Variants in FRMD4A observed in about 807,000 individuals in gnomAD.
The protein encoded by FRMD4A is FERM domain-containing protein 4A.
In FRMD4A, 29 loss-of-function variants were observed where a neutral mutation model predicts 129.1. The observed-to-expected ratio is 0.22, with a 90% confidence interval of 0.17 to 0.31. The LOEUF is 0.31. Among genes scored for constraint, FRMD4A ranks in the 10% least tolerant of loss-of-function variants. FRMD4A has a pLI of 1.00. For synonymous variants in FRMD4A, 634 were observed against 571.6 expected (o/e 1.11, Z -1.56); for missense variants, 1,272 against 1,375.8 (o/e 0.92, Z 1.19).
chr10:14,305,365 C>T (rs757764869), intron 2 of FRMD4A, among the ~76,000 whole-genome samples: 1 of 151,824 alleles, frequency 6.6e-6, no homozygotes, highest in African/African-American at 2.4e-5. Context: ...AATTGCTGAA[C>T]AAAAAAATGA....
intron 2 of FRMD4A, among the ~76,000 whole-genome samples, chr10:14,211,941 C>T (rs967869538): frequency 6.6e-5 from 10 of 152,190 alleles, no homozygotes; most frequent in African/African-American, 2.4e-4. Context: ...GGGGAAGTGG[C>T]TGCCTGGTGT....
chr10:13,747,381 A>G (rs1259153658), intron 9 of FRMD4A, among the ~76,000 whole-genome samples: 1 of 151,718 alleles, frequency 6.6e-6, no homozygotes, highest in African/African-American at 2.4e-5. Flanking sequence ...TACTAAAAAT[A>G]CAAAAATTAG....
intron 24 of FRMD4A, chr10:13,649,255 A>G (rs2081351785): frequency 6.6e-6 from 1 of 152,252 alleles, no homozygotes; most frequent in Admixed American, 6.5e-5. Flanking sequence ...TAAAGGCTCA[A>G]GAAAGACCAT....
intron 14 of FRMD4A, among the ~76,000 whole-genome samples, chr10:13,695,432 C>T (rs751785696): frequency 6.6e-5 from 10 of 152,270 alleles, no homozygotes; most frequent in Non-Finnish European, 1.3e-4. Context: ...TGAGCCACCG[C>T]GCCTGGCTAA....
At chr10:14,002,984 G>T (rs1326176277) in intron 2 of FRMD4A, among the ~76,000 whole-genome samples, 1 of 152,174 alleles carries the variant, frequency 6.6e-6, no homozygotes, top group Non-Finnish European at 1.5e-5. Flanking sequence ...TGAGGCTGGA[G>T]GGCTGTGATT....
Position 13,740,910 on chromosome 10 carries a change from T to G in FRMD4A, c.549-333A>C, listed in dbSNP as rs548894675. Among the ~76,000 whole-genome samples, 5 of 136,488 alleles carry G rather than the reference T, an allele frequency of 3.7e-5. No individual in the cohort carries two copies. In the Middle Eastern group the frequency reaches 0.013, roughly 347 times the overall value. The allele number at this position is 136,488 out of a possible 152,430, so 89.5% of individuals were successfully genotyped here. ...GGTGCGATCTTGGTTCACTGCAACCTCCACCTCCCGAGTTCAAGCAATTCT... is the reference window on the plus strand; with the variant it reads ...GGTGCGATCTTGGTTCACTGCAACCGCCACCTCCCGAGTTCAAGCAATTCT... On this transcript the variant is annotated intron_variant, in intron 9 of 24. Coordinates refer to ENST00000357447, the MANE Select transcript of FRMD4A (RefSeq NM_018027.5).
intron 2 of FRMD4A, among the ~76,000 whole-genome samples, chr10:13,996,534 T>C (rs2095623101): frequency 6.6e-6 from 1 of 152,216 alleles, no homozygotes; most frequent in Non-Finnish European, 1.5e-5. Context: ...CTTAAACTTC[T>C]CTTTCAGTGG....
At chr10:13,896,569 T>C (rs966412011) in intron 2 of FRMD4A, among the ~76,000 whole-genome samples, 1 of 151,932 alleles carries the variant, frequency 6.6e-6, no homozygotes, top group Non-Finnish European at 1.5e-5. Flanking sequence ...ACCTAATGCA[T>C]GTGGGGCTTA....
intron 13 of FRMD4A, among the ~76,000 whole-genome samples, chr10:13,705,762 C>T (rs533971247): frequency 2.6e-5 from 4 of 152,236 alleles, no homozygotes; most frequent in Middle Eastern, 3.4e-3. Context: ...TGAGAAACAC[C>T]GGATAAAATA....
At chr10:13,669,378 T>TA (rs2083331321) in intron 17 of FRMD4A, among the ~76,000 whole-genome samples, 1 of 152,188 alleles carries the variant, frequency 6.6e-6, no homozygotes, top group African/African-American at 2.4e-5. Flanking sequence ...CCACATGAGC[T>TA]TTAGTTTTAA....
At position 14,104,762 on chromosome 10, in the gene FRMD4A, C is replaced by T. The variant is rs555938307; in HGVS notation, c.45+225296G>A. ...TGTGGGCCCATGAAGCTGGCGATTT[C>T]GTGTGGTTCAACTTAGTCCTAGAGC... On this transcript the variant is annotated intron_variant, in intron 2 of 24. Coordinates refer to ENST00000357447, the MANE Select transcript of FRMD4A (RefSeq NM_018027.5). Among the ~76,000 whole-genome samples, 10 of 152,336 alleles carry T rather than the reference C, an allele frequency of 6.6e-5. No individual in the cohort carries two copies. In the South Asian group the frequency reaches 8.3e-4, roughly 13 times the overall value.
intron 8 of FRMD4A, among the ~76,000 whole-genome samples, chr10:13,758,603 C>G (rs2091950506): frequency 6.6e-6 from 1 of 152,170 alleles, no homozygotes; most frequent in Admixed American, 6.5e-5. Context: ...GTGGAGCCAC[C>G]AAGAATTCAT....
intron 6 of FRMD4A, among the ~76,000 whole-genome samples, chr10:13,767,818 T>C (rs1347465980): frequency 6.6e-6 from 1 of 152,002 alleles, no homozygotes; most frequent in Non-Finnish European, 1.5e-5. Context: ...CTTGCGGCCA[T>C]TGGAGGGAGG....
intron 2 of FRMD4A, among the ~76,000 whole-genome samples, chr10:14,294,024 C>G (rs1233212864): frequency 3.3e-5 from 5 of 152,110 alleles, no homozygotes; most frequent in Non-Finnish European, 5.9e-5. Context: ...TTCCACAGTA[C>G]CACAACCAAG....
At chr10:13,953,848 A>T (rs1020122751) in intron 2 of FRMD4A, among the ~76,000 whole-genome samples, 2 of 152,200 alleles carry the variant, frequency 1.3e-5, no homozygotes, top group African/African-American at 4.8e-5. Context: ...AGGCTCTTGG[A>T]AGGGACCCCC....
At chr10:13,707,417 C>A (rs1034554077) in intron 12 of FRMD4A, 1 of 1,076,528 alleles carries the variant, frequency 9.3e-7, no homozygotes, top group East Asian at 6.2e-5. Flanking sequence ...TGGCAGTCCC[C>A]AGCTTGGCAG....
chr10:13,854,841 C>A (rs1005214642), intron 3 of FRMD4A, among the ~76,000 whole-genome samples: 5 of 152,126 alleles, frequency 3.3e-5, no homozygotes, highest in Non-Finnish European at 5.9e-5. Context: ...GTCTATGCAA[C>A]CTGCATGTGT....
intron 2 of FRMD4A, among the ~76,000 whole-genome samples, chr10:14,288,976 A>G (rs1376566728): frequency 6.6e-6 from 1 of 152,198 alleles, no homozygotes; most frequent in East Asian, 1.9e-4. Flanking sequence ...TTAATAATGA[A>G]TAACATTCCA....
At chr10:13,985,015 G>T (rs1439916233) in intron 2 of FRMD4A, among the ~76,000 whole-genome samples, 1 of 152,252 alleles carries the variant, frequency 6.6e-6, no homozygotes, top group African/African-American at 2.4e-5. Flanking sequence ...AGCAGGCAGG[G>T]ACGCTGCCCA....
Sources: allele counts gnomAD v4.1 joint callset (sites outside exome capture counted in the v4.1 genomes callset), GRCh38; gene constraint gnomAD v4.1.1; transcripts MANE v1.5; gene names NCBI Gene and HGNC (gene_info 2026-07-23, HGNC 2026-07-21).